The following THSD4 variants were observed in gnomAD, a reference collection of about 807,000 sequenced individuals.
THSD4 encodes thrombospondin type 1 domain containing 4.
In THSD4, 69 loss-of-function variants were observed where a neutral mutation model predicts 119.0. The observed-to-expected ratio is 0.58, with a 90% confidence interval of 0.48 to 0.71. The LOEUF is 0.71. Ranked by LOEUF, THSD4 falls within the 30% of genes least tolerant of loss-of-function variation. The probability of loss-of-function intolerance (pLI) is 0.00; values close to 1 mark genes in which losing one functional copy is unlikely to be tolerated. For synonymous variants in THSD4, 524 were observed against 540.4 expected (o/e 0.97, Z 0.42); for missense variants, 1,393 against 1,391.1 (o/e 1.00, Z -0.02).
intron 7 of THSD4, among the ~76,000 whole-genome samples, chr15:71,545,826 C>T (rs937904325): frequency 6.6e-6 from 1 of 152,092 alleles, no homozygotes; most frequent in Admixed American, 6.5e-5. Context: ...CCCTCCCTGT[C>T]CCCCACCAAA....
intron 7 of THSD4, among the ~76,000 whole-genome samples, chr15:71,642,818 G>A (rs1231254970): frequency 6.6e-6 from 1 of 151,724 alleles, no homozygotes; most frequent in Non-Finnish European, 1.5e-5. Flanking sequence ...GGGGAGTGGG[G>A]AGGGATAGCA....
chr15:71,335,880 GC>G (rs2045483710), intron 6 of THSD4, among the ~76,000 whole-genome samples: 1 of 152,178 alleles, frequency 6.6e-6, no homozygotes, highest in African/African-American at 2.4e-5. Context: ...CCAAACAGAT[GC>G]TGGAGATTAT....
intron 6 of THSD4, among the ~76,000 whole-genome samples, chr15:71,404,587 C>T (rs1438870399): frequency 6.6e-6 from 1 of 152,138 alleles, no homozygotes; most frequent in Non-Finnish European, 1.5e-5. Context: ...AATGCTGGAA[C>T]CTAATACTCA....
intron 7 of THSD4, among the ~76,000 whole-genome samples, chr15:71,543,548 A>G (rs2140842736): frequency 6.6e-6 from 1 of 152,332 alleles, no homozygotes; most frequent in East Asian, 1.9e-4. Flanking sequence ...TGGGAATTAT[A>G]TGGATAATGA....
chr15:71,186,745 G>A (rs2043608697), intron 3 of THSD4: 1 of 152,206 alleles, frequency 6.6e-6, no homozygotes, highest in South Asian at 2.1e-4. Context: ...ATGATAAACT[G>A]TAAAATGGGG....
intron 17 of THSD4, among the ~76,000 whole-genome samples, chr15:71,772,087 G>A (rs903922372): frequency 3.9e-5 from 6 of 152,170 alleles, no homozygotes; most frequent in Non-Finnish European, 5.9e-5. Context: ...GAGGTGCACC[G>A]AGCCCCTTCA....
chr15:71,728,827 T>TA (rs761326166), intron 9 of THSD4, 103 bp downstream of exon 9: 12 of 1,469,218 alleles, frequency 8.2e-6, no homozygotes, highest in Non-Finnish European at 1.1e-5. Flanking sequence ...CCATACTCAA[T>TA]AAAAACCCTT....
intron 3 of THSD4, among the ~76,000 whole-genome samples, chr15:71,210,965 A>G (rs552860059): frequency 7.2e-5 from 11 of 152,140 alleles, no homozygotes; most frequent in African/African-American, 4.8e-5. Flanking sequence ...ATAACTTTAT[A>G]TAGTATTTTT....
intron 1 of THSD4, among the ~76,000 whole-genome samples, chr15:71,126,888 A>AAATCAACCTAAC (rs2040460693): frequency 6.6e-6 from 1 of 152,238 alleles, no homozygotes; most frequent in Non-Finnish European, 1.5e-5. Context: ...TGGAATAATG[A>AAATCAACCTAAC]AATCAACCTA....
At chr15:71,763,436 C>G (rs2141205765) in intron 15 of THSD4, among the ~76,000 whole-genome samples, 1 of 152,226 alleles carries the variant, frequency 6.6e-6, no homozygotes, top group Non-Finnish European at 1.5e-5. Context: ...AGAGGCTGGG[C>G]ACAGTGGCTC....
chr15:71,442,795 TC>T (rs1726904953), intron 7 of THSD4, among the ~76,000 whole-genome samples: 1 of 148,098 alleles, frequency 6.8e-6, no homozygotes, highest in Admixed American at 6.8e-5. Flanking sequence ...TATAGGCTGT[TC>T]CCTCTGCCTG....
At chr15:71,137,652 A>G (rs963530573) in intron 1 of THSD4, among the ~76,000 whole-genome samples, 4 of 152,150 alleles carry the variant, frequency 2.6e-5, no homozygotes, top group Non-Finnish European at 5.9e-5. Flanking sequence ...ACACAATACT[A>G]ATCACGGAAG....
chr15:71,783,019 A>G lies in THSD4; in HGVS notation c.*5645A>G, dbSNP rs1167019455. 1 of 152,272 alleles carries G rather than the reference A, an allele frequency of 6.6e-6. No homozygotes were observed. The highest frequency in any genetic ancestry group is 1.9e-4 in the East Asian group (1 of 5,198). 9.4% of individuals were successfully genotyped at this position (152,272 alleles called of 1,614,324 possible). ...TGGCATTTACTGCTCTGACACTTCC[A>G]CTGTCCCTGCTGGGGATGCTGGGGC... is the stretch of plus-strand genomic sequence containing the variant. On this transcript the variant is annotated 3_prime_UTR_variant, in exon 18 of 18. Coordinates refer to ENST00000261862, the MANE Select transcript of THSD4 (RefSeq NM_024817.3).
intron 7 of THSD4, among the ~76,000 whole-genome samples, chr15:71,467,931 C>G (rs2047523384): frequency 6.6e-6 from 1 of 151,434 alleles, no homozygotes; most frequent in Non-Finnish European, 1.5e-5. Context: ...TCACTGCAAC[C>G]TCCATCTCCC....
chr15:71,379,766 C>T (rs1264492875), intron 6 of THSD4, among the ~76,000 whole-genome samples: 1 of 151,884 alleles, frequency 6.6e-6, no homozygotes, highest in Admixed American at 6.6e-5. Context: ...CCACAAATGG[C>T]TTCTTTACAC....
intron 7 of THSD4, among the ~76,000 whole-genome samples, chr15:71,608,249 T>TATATATACACAC (rs772729777): frequency 4.7e-5 from 5 of 106,232 alleles, no homozygotes; most frequent in East Asian, 5.2e-4. Flanking sequence ...TATATATATA[T>TATATATACACAC]ACACACACAC....
At chr15:71,617,169 T>A (rs960464705) in intron 7 of THSD4, among the ~76,000 whole-genome samples, 2 of 152,228 alleles carry the variant, frequency 1.3e-5, no homozygotes, top group African/African-American at 4.8e-5. Context: ...TGAGATTTCT[T>A]ACCCTCCTCA....
chr15:71,173,258 CA>C (rs1391435299), intron 3 of THSD4, among the ~76,000 whole-genome samples: 1 of 151,664 alleles, frequency 6.6e-6, no homozygotes, highest in African/African-American at 2.4e-5. Flanking sequence ...ATAAAGTAAA[CA>C]ATTCTATTTA....
At chr15:71,421,137 T>A (rs1438841434) in intron 7 of THSD4, among the ~76,000 whole-genome samples, 4 of 63,276 alleles carry the variant, frequency 6.3e-5, no homozygotes, top group Non-Finnish European at 8.5e-5. Context: ...CCAGCCTGGG[T>A]GATGGAGTGA....
Sources: gnomAD v4.1 joint callset for allele counts (sites outside exome capture counted in the v4.1 genomes callset) on GRCh38, gnomAD v4.1.1 for gene constraint, MANE v1.5 for transcripts, NCBI Gene and HGNC (gene_info 2026-07-23, HGNC 2026-07-21) for gene names.